Variants in BORCS8 observed in about 807,000 individuals in gnomAD.
The protein encoded by BORCS8 is BLOC-1 related complex subunit 8, also known as BLOC-1-related complex subunit 8.
In BORCS8, 13 loss-of-function variants were observed where a neutral mutation model predicts 18.7. The ratio of observed to expected loss-of-function variants is 0.70; its 90% CI spans 0.45 to 1.11. The LOEUF is 1.11. Among genes scored for constraint, BORCS8 ranks in the 50% least tolerant of loss-of-function variants. BORCS8 has a pLI of 0.00. For missense variants in BORCS8, 165 were observed against 165.7 expected, an observed-to-expected ratio of 1.00 and a Z score of 0.02; for synonymous variants, 68 against 64.8, an observed-to-expected ratio of 1.05 and a Z score of -0.24.
intron 2 of BORCS8, 117 bp downstream of exon 2, chr19:19,186,776 C>A: frequency 1.5e-6 from 1 of 652,536 alleles, no homozygotes; most frequent in Non-Finnish European, 2.6e-6. Flanking sequence ...AAAATCTATC[C>A]CAGATCTGTC....
intron 1 of BORCS8, among the ~76,000 whole-genome samples, chr19:19,187,826 C>T (rs948277833): frequency 5.3e-5 from 8 of 150,776 alleles, no homozygotes; most frequent in African/African-American, 1.5e-4. Flanking sequence ...CTTGAGCCAC[C>T]GCGCCTGGCC....
chr19:19,186,046 T>G lies in BORCS8; in HGVS notation c.203A>C (p.Glu68Ala). Reference protein sequence around the residue: ...EQSQGAIYTVEYACSAVKNLV... With the variant: ...EQSQGAIYTVAYACSAVKNLV... ...CTGTGGCGCTCACCTGCAGGCGTACTCCACAGTGTAGATGGCTCCCTGGCT... is the reference window on the plus strand; with the variant it reads ...CTGTGGCGCTCACCTGCAGGCGTACGCCACAGTGTAGATGGCTCCCTGGCT... The change falls in exon 3 of 6, where the codon GAG (glutamate) becomes GCG (alanine). Residue 68 changes from glutamate (E) to alanine (A), a missense_variant. Glu to Ala is a moderately radical substitution (Grantham distance 107). Transcript: ENST00000462790. The G allele has an allele frequency of 2.6e-6, 4 of 1,551,092 alleles. No homozygotes were observed. Among genetic ancestry groups the G allele is most frequent in the South Asian group, 2.4e-5 (2 of 84,026 alleles).
chr19:19,182,332 G>T lies in BORCS8; in HGVS notation c.326+241C>A. On this transcript the variant is annotated intron_variant, in intron 4 of 5. Coordinates refer to ENST00000462790, the MANE Select transcript of BORCS8 (RefSeq NM_001145784.2). This position sits in a 1 kb window ranked among gnomAD's most constrained non-coding sequence, Gnocchi z 4.1. ...GTCTCCTTGTGAGCCTGTCTGTCTC[G>T]GTCACTGCTATGTCCCCAGTGCCCA... 2 of 1,013,960 alleles carry T rather than the reference G, an allele frequency of 2.0e-6. No homozygotes were observed. Among genetic ancestry groups the T allele is most frequent in the Non-Finnish European group, 2.6e-6 (2 of 766,018 alleles). 62.8% of individuals were successfully genotyped at this position (1,013,960 alleles called of 1,614,324 possible).
chr19:19,180,712 C>G lies in BORCS8; in HGVS notation c.*16G>C. The G allele has an allele frequency of 1.3e-6, 2 of 1,549,984 alleles. No individual in the cohort carries two copies. Among genetic ancestry groups the G allele is most frequent in the Non-Finnish European group, 1.7e-6 (2 of 1,146,636 alleles). ...TGGGTTGGCGGAGGCTGGGGGGCCC[C>G]GAGTCTCTTCCAGGATCAGGCTGAG... On this transcript the variant is annotated 3_prime_UTR_variant, in exon 5 of 6. Transcript: ENST00000462790.
intron 5 of BORCS8, 56 bp downstream of exon 5, chr19:19,180,622 CCAAGCGGG>C: frequency 8.6e-7 from 1 of 1,163,214 alleles, no homozygotes. Context: ...TGCCTGGCTG[CCAAGCGGG>C]CGGGTTGGTT....
Position 19,182,518 on chromosome 19 carries a change from G to A in BORCS8, c.326+55C>T. The A allele has an allele frequency of 6.5e-7, 1 of 1,532,706 alleles. No homozygotes were observed. The highest frequency in any genetic ancestry group is 8.8e-7 in the Non-Finnish European group (1 of 1,139,534). The allele number at this position is 1,532,706 out of a possible 1,614,324, so 94.9% of individuals were successfully genotyped here. A position where few individuals can be genotyped will look rare whatever the true frequency, so the allele number is the denominator to read the frequency against. ...AAGCAGCGGTTCCCAGCGCAGCTGAGAGACGGTCCTTGCAGCTGGGAGTGG... is the reference window on the plus strand; with the variant it reads ...AAGCAGCGGTTCCCAGCGCAGCTGAAAGACGGTCCTTGCAGCTGGGAGTGG... On this transcript the variant is annotated intron_variant, in intron 4 of 5. Transcript: ENST00000462790. This position sits in a 1 kb window ranked among gnomAD's most constrained non-coding sequence, Gnocchi z 4.1.
At chr19:19,185,589 A>G (rs1265021637) in intron 3 of BORCS8, among the ~76,000 whole-genome samples, 2 of 152,314 alleles carry the variant, frequency 1.3e-5, no homozygotes, top group South Asian at 2.1e-4. Flanking sequence ...GGGAGGCTGA[A>G]GCGGGAGAAC....
At chr19:19,179,099 G>A (rs1402320874) in intron 5 of BORCS8, 1 of 153,420 alleles carries the variant, frequency 6.5e-6, no homozygotes, top group Admixed American at 6.5e-5. Flanking sequence ...CAGCGGAGGG[G>A]ACAGCAGACG....
At position 19,180,773 on chromosome 19, in the gene BORCS8, CAT is replaced by C. The variant is rs765896570; in HGVS notation, c.327-14_327-13del. 3.2e-5 allele frequency: 49 copies of C among 1,543,534 alleles called. No homozygotes were observed. The highest frequency in any genetic ancestry group is 5.5e-5 in the African/African-American group (4 of 72,888). ...GTGGTTCCTCCGGGCTGCAACAAAA[CAT>C]GTGCAGCATCCATGAGGCCAAGGTC... On this transcript the variant is annotated splice_polypyrimidine_tract_variant and intron_variant, in intron 4 of 5. Transcript: ENST00000462790.
chr19:19,180,708 G>A lies in BORCS8; in HGVS notation c.*20C>T, dbSNP rs543583713. ...GACCTGGGTTGGCGGAGGCTGGGGG[G>A]CCCCGAGTCTCTTCCAGGATCAGGC... On this transcript the variant is annotated 3_prime_UTR_variant, in exon 5 of 6. Transcript: ENST00000462790. 4.7e-4 allele frequency: 734 copies of A among 1,549,392 alleles called. No homozygotes were observed. The highest frequency in any genetic ancestry group is 5.8e-4 in the South Asian group (49 of 83,962).
intron 1 of BORCS8, among the ~76,000 whole-genome samples, chr19:19,188,109 A>C (rs899625009): frequency 3.9e-5 from 6 of 151,916 alleles, no homozygotes; most frequent in Non-Finnish European, 7.4e-5. Flanking sequence ...GGCTCACTGC[A>C]AGCTCCACCT....
chr19:19,181,195 G>GAA (rs34972463), intron 4 of BORCS8, among the ~76,000 whole-genome samples: 12 of 129,928 alleles, frequency 9.2e-5, no homozygotes, highest in South Asian at 4.9e-4. Flanking sequence ...GCTCTGTCTT[G>GAA]AAAAAAAAAA....
At chr19:19,191,952 G>T in intron 1 of BORCS8, 129 bp downstream of exon 1, 1 of 1,125,504 alleles carries the variant, frequency 8.9e-7, no homozygotes. Flanking sequence ...AAACTAGTCA[G>T]CGGCAGAGCT....
intron 5 of BORCS8, chr19:19,177,696 G>GGAAGGAAGGAAGGGAAA (rs1376064847): frequency 8.0e-5 from 6 of 74,650 alleles, no homozygotes; most frequent in African/African-American, 3.1e-4. Context: ...AAGGAAGGAA[G>GGAAGGAAGGAAGGGAAA]AGAAAAGAAA....
intron 1 of BORCS8, among the ~76,000 whole-genome samples, chr19:19,191,064 G>C (rs562203405): frequency 6.6e-6 from 1 of 152,050 alleles, no homozygotes; most frequent in Non-Finnish European, 1.5e-5. Context: ...TTAAAGTATA[G>C]GGGATTAGCT....
In BORCS8 at chr19:19,186,041, C is replaced by G; in HGVS notation, c.208G>C (p.Ala70Pro). ...SQGAIYTVEYACSAVKNLVDS... is the reference protein window; with the variant it reads ...SQGAIYTVEYPCSAVKNLVDS... Reference sequence around the variant, plus strand: ...GGAGGCTGTGGCGCTCACCTGCAGGCGTACTCCACAGTGTAGATGGCTCCC... The same window carrying G: ...GGAGGCTGTGGCGCTCACCTGCAGGGGTACTCCACAGTGTAGATGGCTCCC... Residue 70 changes from alanine (A) to proline (P), a missense_variant, in exon 3 of 6, where the codon GCC becomes CCC. Physicochemically the swap from Ala to Pro is conservative, Grantham distance 27. Transcript: ENST00000462790. The G allele has an allele frequency of 6.4e-7, 1 of 1,550,904 alleles. No individual in the cohort carries two copies. The highest frequency in any genetic ancestry group is 8.7e-7 in the Non-Finnish European group (1 of 1,146,930).
chr19:19,184,476 G>A (rs1205216037), intron 3 of BORCS8, among the ~76,000 whole-genome samples: 1 of 151,620 alleles, frequency 6.6e-6, no homozygotes, highest in African/African-American at 2.4e-5. Context: ...TAATTTTTTT[G>A]TATTTTTAGT....
At chr19:19,186,294 C>T (rs1046485062) in intron 2 of BORCS8, among the ~76,000 whole-genome samples, 196 bp from the exon 3 acceptor site, 1 of 152,216 alleles carries the variant, frequency 6.6e-6, no homozygotes, top group Middle Eastern at 3.2e-3. Flanking sequence ...TTTGCACAGG[C>T]TGTTCCCCCT....
At chr19:19,180,408 G>A (rs2060336830) in intron 5 of BORCS8, 10 of 507,410 alleles carry the variant, frequency 2.0e-5, no homozygotes, top group South Asian at 8.7e-5. Context: ...CTTGGGGGGT[G>A]GAAATCTCTG....
Sources: gnomAD v4.1 joint callset for allele counts (sites outside exome capture counted in the v4.1 genomes callset) on GRCh38, gnomAD v4.1.1 for gene constraint, Gnocchi (gnomAD v3.1) non-coding constraint, MANE v1.5 for transcripts, NCBI Gene and HGNC (gene_info 2026-07-23, HGNC 2026-07-21) for gene names.